FKBP15: variants seen among roughly 807,000 people sequenced by gnomAD.
The protein encoded by FKBP15 is FKBP prolyl isomerase family member 15.
FKBP15 carries 106 observed loss-of-function variants against 158.1 expected under a neutral mutation model. The observed-to-expected ratio is 0.67, with a 90% CI of 0.57 to 0.79. FKBP15 has a LOEUF of 0.79. FKBP15 is among the 30% of genes least tolerant of loss of function. FKBP15 has a pLI of 0.00. For synonymous variants in FKBP15, 547 were observed against 548.6 expected, an observed-to-expected ratio of 1.00 and a Z score of 0.04; for missense variants, 1,287 against 1,479.1, an observed-to-expected ratio of 0.87 and a Z score of 2.13.
intron 2 of FKBP15, among the ~76,000 whole-genome samples, chr9:113,208,252 G>A (rs540413670): frequency 5.3e-5 from 8 of 152,186 alleles, no homozygotes; most frequent in South Asian, 2.1e-4. Flanking sequence ...AGGAAGAATC[G>A]CTTGAGCCTG....
intron 19 of FKBP15, among the ~76,000 whole-genome samples, chr9:113,181,056 G>A (rs10981672): frequency 0.19 from 29,421 of 152,094 alleles, 3,114 homozygotes; most frequent in African/African-American, 0.24. Context: ...AAATAAAGAT[G>A]ATCAAGTAAA....
rs768460675 is a variant in FKBP15, at chr9:113,161,815, C to A, written c.*4263G>T. On this transcript the variant is annotated 3_prime_UTR_variant, in exon 28 of 28. Transcript: ENST00000238256. ...GAGGACAGCGAGGCCCAGGGAAGGA[C>A]CAGGACTTGCCAAAGTGGCTACACA... The A allele has an allele frequency of 2.6e-6, 3 of 1,133,318 alleles. No individual in the cohort carries two copies. The South Asian group carries it at 3.8e-5, about 15-fold the overall frequency. The allele number at this position is 1,133,318 out of a possible 1,614,324, so 70.2% of individuals were successfully genotyped here.
intron 20 of FKBP15, among the ~76,000 whole-genome samples, chr9:113,177,367 CTT>C (rs1367557844): frequency 6.6e-6 from 1 of 152,200 alleles, no homozygotes; most frequent in Non-Finnish European, 1.5e-5. Context: ...TTTTGAGACT[CTT>C]ATGACTCTTG....
chr9:113,202,286 A>G (rs10115377), intron 6 of FKBP15, among the ~76,000 whole-genome samples: 105,415 of 152,092 alleles, frequency 0.69, 36,937 homozygotes, highest in African/African-American at 0.75. Flanking sequence ...TTTTAATATA[A>G]TAAGATTACA....
chr9:113,168,495 T>C lies in FKBP15; in HGVS notation c.3547A>G (p.Lys1183Glu). Reference protein sequence around the residue: ...KGATLKALRPKAQPEEEDEDE... With the variant: ...KGATLKALRPEAQPEEEDEDE... ...TCATCCTCCTCCTCAGGCTGTGCTT[T>C]GGGCCTCAGAGCTTTCAGAGTTGCC... The change falls in exon 27 of 28, where the codon AAA becomes GAA. Residue 1183 changes from lysine (K) to glutamate (E), a missense_variant. Coordinates refer to ENST00000238256, the MANE Select transcript of FKBP15 (RefSeq NM_015258.2). 6.2e-7 allele frequency: 1 copy of C among 1,613,996 alleles called. No homozygotes were observed.
At chr9:113,208,473 A>G (rs1054029777) in intron 2 of FKBP15, among the ~76,000 whole-genome samples, 2 of 152,250 alleles carry the variant, frequency 1.3e-5, no homozygotes, top group Non-Finnish European at 2.9e-5. Flanking sequence ...ACTGATGCGG[A>G]CATGACATGC....
chr9:113,194,435 AAAT>A (rs1830632973), intron 9 of FKBP15, among the ~76,000 whole-genome samples: 1 of 137,016 alleles, frequency 7.3e-6, no homozygotes, highest in African/African-American at 2.8e-5. Flanking sequence ...ATAAATAAAT[AAAT>A]AATAAATAAA....
intron 1 of FKBP15, among the ~76,000 whole-genome samples, chr9:113,217,653 G>A (rs968122603): frequency 1.3e-5 from 2 of 152,168 alleles, no homozygotes; most frequent in East Asian, 3.9e-4. Context: ...ACTAGCCTGA[G>A]CAATATAGCA....
chr9:113,173,135 G>C (rs554019327), intron 23 of FKBP15, among the ~76,000 whole-genome samples: 1 of 152,056 alleles, frequency 6.6e-6, no homozygotes, highest in African/African-American at 2.4e-5. Flanking sequence ...ATGAGGGAAG[G>C]GTTCCTTGTA....
At chr9:113,202,718 CTCAGGTGGACCCAAAGGGAA>C (rs1429556681) in intron 5 of FKBP15, 89 bp from the exon 6 acceptor site, 33 of 1,021,312 alleles carry the variant, frequency 3.2e-5, no homozygotes, top group Non-Finnish European at 4.6e-5. Context: ...AGGGTCTTGA[CTCAGGTGGACCCAAAGGGAA>C]CTATCAGAGA....
intron 20 of FKBP15, 117 bp downstream of exon 20, chr9:113,178,513 G>T: frequency 2.0e-6 from 2 of 982,080 alleles, no homozygotes; most frequent in Non-Finnish European, 2.9e-6. Context: ...TTTAATTTTT[G>T]GTGTAGTCCT....
At chr9:113,221,163 C>G in intron 1 of FKBP15, 28 bp downstream of exon 1, 1 of 1,594,610 alleles carries the variant, frequency 6.3e-7, no homozygotes, top group South Asian at 1.1e-5. Flanking sequence ...CAGCCACGCC[C>G]TCCAGCGCAT....
chr9:113,208,072 A>G (rs1291796598), intron 2 of FKBP15, among the ~76,000 whole-genome samples: 1 of 152,212 alleles, frequency 6.6e-6, no homozygotes, highest in African/African-American at 2.4e-5. Context: ...GGCTGGGCGC[A>G]GTGGCTCGTG....
intron 25 of FKBP15, 73 bp from the exon 26 acceptor site, chr9:113,170,015 C>T: frequency 6.9e-7 from 1 of 1,452,044 alleles, no homozygotes; most frequent in South Asian, 1.5e-5. Flanking sequence ...ATTAACACTA[C>T]TGGTCATGTA....
At position 113,202,588 on chromosome 9, in the gene FKBP15, T is replaced by A. The variant is rs1272062525; in HGVS notation, c.441A>T (p.Arg147Ser). 1 of 1,581,372 alleles carries A rather than the reference T, an allele frequency of 6.3e-7. No homozygotes were observed. Among genetic ancestry groups the A allele is most frequent in the Non-Finnish European group, 8.6e-7 (1 of 1,162,462 alleles). Reference protein sequence around the residue: ...NNYSTFYDDQRQNWSIMFESE... With the variant: ...NNYSTFYDDQSQNWSIMFESE... ...ACTCAAACATGATGGACCAGTTCTGTCTCTGGTCATCATAAAAGGTGCTAT... is the reference window on the plus strand; with the variant it reads ...ACTCAAACATGATGGACCAGTTCTGACTCTGGTCATCATAAAAGGTGCTAT... The change falls in exon 6 of 28, where the codon AGA becomes AGT. Residue 147 changes from arginine (R) to serine (S), a missense_variant. By Grantham distance (110) the Arg-to-Ser change is moderately radical (BLOSUM62 -1). Transcript: ENST00000238256.
intron 21 of FKBP15, among the ~76,000 whole-genome samples, chr9:113,175,600 A>G (rs1830286085): frequency 6.6e-6 from 1 of 152,196 alleles, no homozygotes; most frequent in Non-Finnish European, 1.5e-5. Context: ...TAACCAACAA[A>G]AGATACTATA....
At position 113,184,169 on chromosome 9, in the gene FKBP15, C is replaced by T; in HGVS notation, c.1716+123G>A. The T allele has an allele frequency of 1.6e-5, 11 of 677,414 alleles. No homozygotes were observed. The highest frequency in any genetic ancestry group is 2.8e-5 in the Non-Finnish European group (11 of 388,720). 42.0% of individuals were successfully genotyped at this position (677,414 alleles called of 1,614,324 possible). A position where few individuals can be genotyped will look rare whatever the true frequency, so the allele number is the denominator to read the frequency against. On this transcript the variant is annotated intron_variant, in intron 17 of 27. Transcript: ENST00000238256. The surrounding 1 kb of genome is among the most constrained non-coding windows in gnomAD (Gnocchi z 4.5). ...GCCATAATGGATTTTCTAGAATTGT[C>T]TAACCCAGTGTAGCGTTTATCACAG...
Position 113,176,934 on chromosome 9 carries a change from G to A in FKBP15, c.2087-261C>T, listed in dbSNP as rs550282018. ...TGGCCCCAGTGGCTCTTTCAAAGCC[G>A]CGTGCTTTGATTTCCCAATCCTACC... On this transcript the variant is annotated intron_variant, in intron 20 of 27. Transcript: ENST00000238256. 2.7e-4 allele frequency among the ~76,000 whole-genome samples: 41 copies of A among 152,122 alleles called. No homozygotes were observed. In the East Asian group the frequency reaches 5.4e-3, roughly 20 times the overall value.
chr9:113,178,731 T>C lies in FKBP15; in HGVS notation c.1985A>G (p.His662Arg). 2 of 1,609,086 alleles carry C rather than the reference T, an allele frequency of 1.2e-6. No homozygotes were observed. Among genetic ancestry groups the C allele is most frequent in the Non-Finnish European group, 1.7e-6 (2 of 1,177,720 alleles). ...CTGCAGCTCTGTTTCCTTTTTTTGGTGAGCAGTCATTTTCAGCTGCAGATG... is the reference window on the plus strand; with the variant it reads ...CTGCAGCTCTGTTTCCTTTTTTTGGCGAGCAGTCATTTTCAGCTGCAGATG... The part of the protein sequence containing the change: ...VSHLQLKMTA[H>R]QKKETELQMQ... Residue 662 changes from histidine (H) to arginine (R), a missense_variant, in exon 20 of 28, where the codon CAC becomes CGC. His to Arg is a conservative substitution (Grantham distance 29, BLOSUM62 0). Transcript: ENST00000238256.
Sources: allele counts gnomAD v4.1 joint callset (sites outside exome capture counted in the v4.1 genomes callset), GRCh38; gene constraint gnomAD v4.1.1; non-coding constraint Gnocchi (gnomAD v3.1); transcripts MANE v1.5; gene names NCBI Gene and HGNC (gene_info 2026-07-23, HGNC 2026-07-21).